The following ZFPM2 variants were observed in gnomAD, a reference collection of about 807,000 sequenced individuals.
The protein encoded by ZFPM2 is zinc finger protein, FOG family member 2.
Under a neutral mutation model 98.6 loss-of-function variants are expected in ZFPM2, and 20 were observed. That is an observed-to-expected ratio of 0.20 (90% CI 0.14 to 0.29). ZFPM2 has a LOEUF of 0.29. Ranked by LOEUF, ZFPM2 falls within the 10% of genes least tolerant of loss-of-function variation. The pLI, the probability that ZFPM2 is intolerant of heterozygous loss-of-function variation, is 1.00. For missense variants in ZFPM2, 1,310 were observed against 1,388.6 expected (o/e 0.94, Z 0.90); for synonymous variants, 518 against 502.7 (o/e 1.03, Z -0.41).
intron 4 of ZFPM2, among the ~76,000 whole-genome samples, chr8:105,609,708 T>C (rs887896047): frequency 4.6e-5 from 7 of 152,192 alleles, no homozygotes; most frequent in African/African-American, 1.7e-4. Context: ...TACTTTGAAA[T>C]ATTATTCTTC....
intron 5 of ZFPM2, among the ~76,000 whole-genome samples, chr8:105,715,412 A>C (rs1423071532): frequency 1.3e-5 from 2 of 150,166 alleles, no homozygotes; most frequent in Non-Finnish European, 3.0e-5. Context: ...TCTCTTGAAA[A>C]AAAAAAAAAA....
chr8:105,701,602 C>T (rs1408049730), intron 5 of ZFPM2, among the ~76,000 whole-genome samples: 1 of 152,104 alleles, frequency 6.6e-6, no homozygotes, highest in South Asian at 2.1e-4. Context: ...CATCTTCAGA[C>T]GTACCATTAA....
intron 5 of ZFPM2, among the ~76,000 whole-genome samples, chr8:105,656,558 G>A (rs1009231759): frequency 6.6e-6 from 1 of 152,122 alleles, no homozygotes; most frequent in Non-Finnish European, 1.5e-5. Context: ...GTGCCCTACA[G>A]GTCAGAAAAT....
intron 1 of ZFPM2, among the ~76,000 whole-genome samples, chr8:105,379,008 G>A (rs73300109): frequency 0.082 from 12,396 of 152,030 alleles, 1,663 homozygotes; most frequent in African/African-American, 0.28. Context: ...AGGTAGATAC[G>A]TAGGTAGATA....
chr8:105,587,062 G>T (rs1182959865), intron 4 of ZFPM2, among the ~76,000 whole-genome samples: 1 of 151,354 alleles, frequency 6.6e-6, no homozygotes, highest in East Asian at 2.0e-4. Flanking sequence ...GGATCACAAG[G>T]TCAGGAGATC....
intron 3 of ZFPM2, among the ~76,000 whole-genome samples, chr8:105,549,004 G>C (rs758968741): frequency 1.3e-5 from 2 of 152,174 alleles, no homozygotes; most frequent in Non-Finnish European, 2.9e-5. Flanking sequence ...ACTGTCTTCA[G>C]AAGTCTGATA....
At chr8:105,688,935 A>T (rs1810811663) in intron 5 of ZFPM2, among the ~76,000 whole-genome samples, 1 of 152,196 alleles carries the variant, frequency 6.6e-6, no homozygotes, top group African/African-American at 2.4e-5. Context: ...TAAATTACTC[A>T]TTAGTGTTCA....
intron 5 of ZFPM2, among the ~76,000 whole-genome samples, chr8:105,781,078 C>T (rs1294589504): frequency 6.6e-6 from 1 of 152,158 alleles, no homozygotes; most frequent in Non-Finnish European, 1.5e-5. Flanking sequence ...AGGAAGCAAA[C>T]CAAGCCCTCC....
At chr8:105,764,151 A>G (rs1267571804) in intron 5 of ZFPM2, among the ~76,000 whole-genome samples, 1 of 151,796 alleles carries the variant, frequency 6.6e-6, no homozygotes, top group Admixed American at 6.6e-5. Context: ...AACTATAATC[A>G]TGAAACCCAG....
At chr8:105,565,112 T>G (rs986991222) in intron 4 of ZFPM2, among the ~76,000 whole-genome samples, 1 of 152,152 alleles carries the variant, frequency 6.6e-6, no homozygotes, top group African/African-American at 2.4e-5. Context: ...ACACAGTAAT[T>G]AATTGAGTCA....
At chr8:105,380,197 T>G (rs574792690) in intron 1 of ZFPM2, among the ~76,000 whole-genome samples, 1 of 152,218 alleles carries the variant, frequency 6.6e-6, no homozygotes, top group Admixed American at 6.5e-5. Flanking sequence ...TTAGTTGAAA[T>G]ACTTATAGAA....
intron 3 of ZFPM2, among the ~76,000 whole-genome samples, chr8:105,460,421 GC>G (rs1812682968): frequency 6.6e-6 from 1 of 152,134 alleles, no homozygotes; most frequent in South Asian, 2.1e-4. Flanking sequence ...GCTCTGAAAG[GC>G]CAGTTAAGGC....
intron 1 of ZFPM2, among the ~76,000 whole-genome samples, chr8:105,377,607 C>A (rs376954785): frequency 0.031 from 1,983 of 63,864 alleles, 631 homozygotes; most frequent in African/African-American, 0.09. Flanking sequence ...CTTAAAAATC[C>A]AAAAAAAAAA....
chr8:105,507,618 A>AC (rs1261903260), intron 3 of ZFPM2, among the ~76,000 whole-genome samples: 1 of 152,260 alleles, frequency 6.6e-6, no homozygotes, highest in African/African-American at 2.4e-5. Flanking sequence ...GCCCTTAGGC[A>AC]CAATGAAGTA....
At chr8:105,390,855 G>A (rs1465662765) in intron 1 of ZFPM2, among the ~76,000 whole-genome samples, 1 of 152,148 alleles carries the variant, frequency 6.6e-6, no homozygotes, top group Non-Finnish European at 1.5e-5. Context: ...TTGGAAATAT[G>A]TAAGAAACTG....
At chr8:105,700,724 T>C (rs549321061) in intron 5 of ZFPM2, among the ~76,000 whole-genome samples, 1 of 152,096 alleles carries the variant, frequency 6.6e-6, no homozygotes, top group Non-Finnish European at 1.5e-5. Flanking sequence ...GGCTCCTGAG[T>C]AGCTGGGATT....
At chr8:105,468,150 C>T (rs1283438937) in intron 3 of ZFPM2, among the ~76,000 whole-genome samples, 3 of 151,832 alleles carry the variant, frequency 2.0e-5, no homozygotes, top group Non-Finnish European at 2.9e-5. Context: ...CTAGATATAC[C>T]GTTCTCTTTA....
At chr8:105,730,863 A>G (rs1038503981) in intron 5 of ZFPM2, among the ~76,000 whole-genome samples, 9 of 148,594 alleles carry the variant, frequency 6.1e-5, no homozygotes, top group Admixed American at 5.5e-4. Context: ...CTGTATTACC[A>G]TAGGTGACAG....
At chr8:105,587,140 G>A (rs1815738265) in intron 4 of ZFPM2, among the ~76,000 whole-genome samples, 1 of 151,656 alleles carries the variant, frequency 6.6e-6, no homozygotes, top group African/African-American at 2.4e-5. Flanking sequence ...AACCGGGCGT[G>A]GTGGCGGGCA....
Sources: gnomAD v4.1 joint callset for allele counts (sites outside exome capture counted in the v4.1 genomes callset) on GRCh38, gnomAD v4.1.1 for gene constraint, MANE v1.5 for transcripts, NCBI Gene and HGNC (gene_info 2026-07-23, HGNC 2026-07-21) for gene names.